The following TOP1 variants were observed in gnomAD, a reference collection of about 807,000 sequenced individuals.
TOP1 encodes DNA topoisomerase 1.
TOP1 carries 10 observed loss-of-function variants against 111.1 expected under a neutral mutation model. That is an observed-to-expected ratio of 0.09 (90% CI 0.06 to 0.15). The LOEUF (loss-of-function observed/expected upper bound fraction) is 0.15, where lower values mean the gene tolerates loss of function less well. TOP1 is among the 10% of genes least tolerant of loss of function. TOP1 has a pLI of 1.00. For missense variants in TOP1, 474 were observed against 926.7 expected (o/e 0.51, Z 6.34); for synonymous variants, 271 against 302.9 (o/e 0.89, Z 1.10).
At position 41,084,510 on chromosome 20, in the gene TOP1, C is replaced by G. The variant is rs1043715784; in HGVS notation, c.556C>G (p.Pro186Ala). 1 of 1,579,782 alleles carries G rather than the reference C, an allele frequency of 6.3e-7. No individual in the cohort carries two copies. Among genetic ancestry groups the G allele is most frequent in the African/African-American group, 1.4e-5 (1 of 73,470 alleles). Residue 186 changes from proline (P) to alanine (A), a missense_variant, in exon 8 of 21, where the codon CCT (proline) becomes GCT (alanine). Around this residue, in one of 14 missense-constraint regions of TOP1, gnomAD observed 185 missense variants for 226.3 expected, o/e 0.82. Transcript: ENST00000361337. ...PKNKDKDKKVPEPDNKKKKPK... is the reference protein window; with the variant it reads ...PKNKDKDKKVAEPDNKKKKPK... ...GAATAAAGATAAAGATAAAAAAGTT[C>G]CTGAGCCAGATAACAAGAAAAAGAA...
rs138415001 is a variant in TOP1 at position 41,119,082 on chromosome 20, A to G, written c.1950+786A>G. On this transcript the variant is annotated intron_variant, in intron 18 of 20. Transcript: ENST00000361337. ...AAAAGGAAACAAATTATATTGAAATACAGTTATCAAAATACATTTTAAAGT... is the reference window on the plus strand; with the variant it reads ...AAAAGGAAACAAATTATATTGAAATGCAGTTATCAAAATACATTTTAAAGT... 2.1e-3 allele frequency among the ~76,000 whole-genome samples: 316 copies of G among 152,346 alleles called. 2 individuals are homozygous for G. The highest frequency in any genetic ancestry group is 0.014 in the East Asian group (72 of 5,192).
chr20:41,037,883 A>C (rs2033209336), intron 2 of TOP1, among the ~76,000 whole-genome samples: 1 of 152,236 alleles, frequency 6.6e-6, no homozygotes, highest in East Asian at 1.9e-4. Flanking sequence ...CTTAAATTCA[A>C]TTAAAAGTAG....
At chr20:41,035,935 A>G (rs992926712) in intron 2 of TOP1, among the ~76,000 whole-genome samples, 3 of 152,202 alleles carry the variant, frequency 2.0e-5, no homozygotes, top group African/African-American at 7.2e-5. Context: ...TGACTCCAGT[A>G]AGGTAGCCCC....
chr20:41,085,842 GA>G (rs1436693915), intron 8 of TOP1, among the ~76,000 whole-genome samples: 3 of 152,242 alleles, frequency 2.0e-5, no homozygotes, highest in African/African-American at 7.2e-5. Context: ...CACAGTGGCA[GA>G]AATGTGGCCA....
intron 3 of TOP1, among the ~76,000 whole-genome samples, chr20:41,063,279 T>A (rs2033567832): frequency 6.6e-6 from 1 of 152,238 alleles, no homozygotes; most frequent in Admixed American, 6.5e-5. Flanking sequence ...CAGTTCTTTT[T>A]TTATGACCGT....
At position 41,028,944 on chromosome 20, in the gene TOP1, C is replaced by T. The variant is rs2122576923; in HGVS notation, c.-124C>T. The T allele has an allele frequency of 1.3e-6, 1 of 780,624 alleles. No individual in the cohort carries two copies. The highest frequency in any genetic ancestry group is 1.6e-5 in the South Asian group (1 of 62,494). The allele number at this position is 780,624 out of a possible 1,614,324, so 48.4% of individuals were successfully genotyped here. On this transcript the variant is annotated 5_prime_UTR_variant, in exon 1 of 21. Transcript: ENST00000361337. ...GTTTCTGGAGTCTCGGGCCCACAGT[C>T]ACCGCCGCTTACCTGCGCCTCCTCG...
At chr20:41,072,438 T>G in intron 3 of TOP1, 4 of 985,430 alleles carry the variant, frequency 4.1e-6, no homozygotes, top group Non-Finnish European at 4.8e-6. Context: ...GACATACATG[T>G]TAGAAAATCT....
rs763935748 is a variant in TOP1 at position 41,095,489 on chromosome 20, A to G, written c.731-1731A>G. Among the ~76,000 whole-genome samples, 55 of 152,214 alleles carry G rather than the reference A, an allele frequency of 3.6e-4. No individual in the cohort carries two copies. The highest frequency in any genetic ancestry group is 3.9e-4 in the Admixed American group (6 of 15,288). ...AAAGAAGTTCAGGGAATCTTTTAAT[A>G]CACAGCCTATCTTCCCCGAAGTGTC... On this transcript the variant is annotated intron_variant, in intron 9 of 20. Transcript: ENST00000361337. The surrounding 1 kb of genome is among the most constrained non-coding windows in gnomAD (Gnocchi z 4.6).
Position 41,029,031 on chromosome 20 carries a change from G to A in TOP1, c.-37G>A, listed in dbSNP as rs756725329. ...TCGCCGTCTGCGTCTCCCCCACGCCGCCTCGCCTGCCGCCGCGCTCGTCCC... is the reference window on the plus strand; with the variant it reads ...TCGCCGTCTGCGTCTCCCCCACGCCACCTCGCCTGCCGCCGCGCTCGTCCC... On this transcript the variant is annotated 5_prime_UTR_variant, in exon 1 of 21. Transcript: ENST00000361337. The surrounding 1 kb of genome is among the most constrained non-coding windows in gnomAD (Gnocchi z 6.1). The A allele has an allele frequency of 1.3e-6, 2 of 1,537,166 alleles. No individual in the cohort carries two copies. The highest frequency in any genetic ancestry group is 1.7e-6 in the Non-Finnish European group (2 of 1,145,998).
intron 2 of TOP1, among the ~76,000 whole-genome samples, chr20:41,056,489 T>A (rs1218612480): frequency 6.6e-6 from 1 of 152,188 alleles, no homozygotes; most frequent in East Asian, 1.9e-4. Context: ...ATGTAATAAC[T>A]TTTATTTGTG....
Position 41,029,233 on chromosome 20 carries a change from G to A in TOP1, c.33+133G>A. ...AGCCCCCGGTGAGGGGCCGCCTGCC[G>A]GAGTAGATCGGCTCGCTAGGCCGCG... On this transcript the variant is annotated intron_variant, in intron 1 of 20. Coordinates refer to ENST00000361337, the MANE Select transcript of TOP1 (RefSeq NM_003286.4). The surrounding 1 kb of genome is among the most constrained non-coding windows in gnomAD (Gnocchi z 6.1). 3.8e-6 allele frequency: 3 copies of A among 797,328 alleles called. No individual in the cohort carries two copies. The highest frequency in any genetic ancestry group is 5.4e-6 in the Non-Finnish European group (3 of 559,040). 49.4% of individuals were successfully genotyped at this position (797,328 alleles called of 1,614,324 possible).
At chr20:41,045,447 T>C (rs1465462191) in intron 2 of TOP1, among the ~76,000 whole-genome samples, 1 of 152,198 alleles carries the variant, frequency 6.6e-6, no homozygotes, top group Non-Finnish European at 1.5e-5. Context: ...AGTTGGAAGT[T>C]CAGGCAGTTG....
rs2034077059 is a variant in TOP1, at chr20:41,102,368, G to A, written c.1308+1015G>A. Among the ~76,000 whole-genome samples the A allele has an allele frequency of 6.6e-6, 1 of 152,164 alleles. No homozygotes were observed. Among genetic ancestry groups the A allele is most frequent in the Admixed American group, 6.5e-5 (1 of 15,280 alleles). Reference sequence around the variant, plus strand: ...CTCAAGCCTGTAATCCCAGCACTTTGGGAGGCCGAGATGGGCGGATCACCT... The same window carrying A: ...CTCAAGCCTGTAATCCCAGCACTTTAGGAGGCCGAGATGGGCGGATCACCT... On this transcript the variant is annotated intron_variant, in intron 13 of 20. Transcript: ENST00000361337. This position sits in a 1 kb window ranked among gnomAD's most constrained non-coding sequence, Gnocchi z 4.0.
chr20:41,123,174 T>C lies in TOP1; in HGVS notation c.2196-21T>C. 1 of 1,582,958 alleles carries C rather than the reference T, an allele frequency of 6.3e-7. No individual in the cohort carries two copies. The highest frequency in any genetic ancestry group is 8.7e-7 in the Non-Finnish European group (1 of 1,151,830). On this transcript the variant is annotated intron_variant, in intron 20 of 20. Coordinates refer to ENST00000361337, the MANE Select transcript of TOP1 (RefSeq NM_003286.4). This position sits in a 1 kb window ranked among gnomAD's most constrained non-coding sequence, Gnocchi z 5.8. ...TTGCTGAGTCACCCTAATCCCCCCC[T>C]TATTTCTCCTTTGTTTGCAGGTGCA...
intron 3 of TOP1, chr20:41,073,379 A>G (rs2033689352): frequency 4.1e-6 from 4 of 984,206 alleles, no homozygotes; most frequent in Non-Finnish European, 4.8e-6. Flanking sequence ...ACAATGAAAA[A>G]AAAAAAAAAG....
Position 41,100,034 on chromosome 20 carries a change from G to A in TOP1, c.976-22G>A. ...GAACAGCAATCTGAATCTATTTTGA[G>A]TACTTTCTTGCTGTCTTCCAGAAAA... On this transcript the variant is annotated intron_variant, in intron 11 of 20. Coordinates refer to ENST00000361337, the MANE Select transcript of TOP1 (RefSeq NM_003286.4). This position sits in a 1 kb window ranked among gnomAD's most constrained non-coding sequence, Gnocchi z 4.4. 13 of 1,563,264 alleles carry A rather than the reference G, an allele frequency of 8.3e-6. No homozygotes were observed. The highest frequency in any genetic ancestry group is 1.1e-5 in the Non-Finnish European group (13 of 1,139,222).
intron 8 of TOP1, among the ~76,000 whole-genome samples, chr20:41,088,172 G>A (rs1250115740): frequency 2.6e-5 from 4 of 152,040 alleles, no homozygotes; most frequent in Non-Finnish European, 5.9e-5. Context: ...TGTTGAAATA[G>A]GAGTCGTAAA....
chr20:41,099,547 C>T (rs1401252909), intron 11 of TOP1, among the ~76,000 whole-genome samples: 1 of 152,110 alleles, frequency 6.6e-6, no homozygotes, highest in Non-Finnish European at 1.5e-5. Flanking sequence ...CCCCCACCAT[C>T]CCTCACCTTT....
In TOP1 at chr20:41,112,371, A is replaced by G. The variant is rs945529406; in HGVS notation, c.1309-411A>G. Among the ~76,000 whole-genome samples, 1 of 152,238 alleles carries G rather than the reference A, an allele frequency of 6.6e-6. No homozygotes were observed. Among genetic ancestry groups the G allele is most frequent in the African/African-American group, 2.4e-5 (1 of 41,456 alleles). The stretch of plus-strand genomic sequence containing the variant: ...CAGAAGTTAGTTTTTGGGACATCCC[A>G]TGTGGGTTTTTCCCAGGAACATAAA... On this transcript the variant is annotated intron_variant, in intron 13 of 20. Transcript: ENST00000361337. This position sits in a 1 kb window ranked among gnomAD's most constrained non-coding sequence, Gnocchi z 5.8.
Sources: allele counts gnomAD v4.1 joint callset (sites outside exome capture counted in the v4.1 genomes callset), GRCh38; gene constraint gnomAD v4.1.1; regional missense constraint gnomAD v4.1.1; non-coding constraint Gnocchi (gnomAD v3.1); transcripts MANE v1.5; gene names NCBI Gene and HGNC (gene_info 2026-07-23, HGNC 2026-07-21).